THSD4: variants seen among roughly 807,000 people sequenced by gnomAD.
The protein encoded by THSD4 is thrombospondin type 1 domain containing 4, also known as thrombospondin type-1 domain-containing protein 4.
In THSD4, 69 loss-of-function variants were observed where a neutral mutation model predicts 119.0. That is an observed-to-expected ratio of 0.58 (90% CI 0.48 to 0.71). The LOEUF (loss-of-function observed/expected upper bound fraction) is 0.71. Among genes scored for constraint, THSD4 ranks in the 30% least tolerant of loss-of-function variants. The pLI is 0.00. For missense variants in THSD4, 1,393 were observed against 1,391.1 expected (o/e 1.00, Z -0.02); for synonymous variants, 524 against 540.4 (o/e 0.97, Z 0.42).
At chr15:71,312,871 T>C (rs1446749987) in intron 6 of THSD4, among the ~76,000 whole-genome samples, 2 of 152,130 alleles carry the variant, frequency 1.3e-5, no homozygotes, top group Admixed American at 1.3e-4. Flanking sequence ...TGTCCCTCCC[T>C]GCAAGAGACC....
intron 6 of THSD4, among the ~76,000 whole-genome samples, chr15:71,289,885 C>CA (rs1292267471): frequency 6.6e-6 from 1 of 152,032 alleles, no homozygotes; most frequent in Non-Finnish European, 1.5e-5. Flanking sequence ...TTCCTTCTGA[C>CA]AAGGGAGAAG....
At chr15:71,426,041 T>C (rs1437882756) in intron 7 of THSD4, among the ~76,000 whole-genome samples, 2 of 152,152 alleles carry the variant, frequency 1.3e-5, no homozygotes, top group Non-Finnish European at 2.9e-5. Context: ...CATGGTGCCT[T>C]CTGGTGAAGG....
chr15:71,759,700 G>A (rs2053599358), intron 15 of THSD4, among the ~76,000 whole-genome samples: 1 of 152,188 alleles, frequency 6.6e-6, no homozygotes, highest in South Asian at 2.1e-4. Flanking sequence ...CACACGTGAA[G>A]ATAAGCAGTA....
chr15:71,585,329 A>AT (rs1394620213), intron 7 of THSD4, among the ~76,000 whole-genome samples: 2 of 152,180 alleles, frequency 1.3e-5, no homozygotes, highest in Non-Finnish European at 2.9e-5. Context: ...CTGAAGGACA[A>AT]TTTTAGCAGA....
At chr15:71,612,886 C>G (rs2050254743) in intron 7 of THSD4, among the ~76,000 whole-genome samples, 1 of 152,284 alleles carries the variant, frequency 6.6e-6, no homozygotes, top group Admixed American at 6.5e-5. Context: ...CTATTGCCAT[C>G]AGTAGGAAGA....
In THSD4 at chr15:71,172,692, T is replaced by C. The variant is rs1250743478; in HGVS notation, c.99+17760T>C. The stretch of plus-strand genomic sequence containing the variant: ...GAAAATAGACCTATACATATATATA[T>C]ATATATATATATATATATATATATA... On this transcript the variant is annotated intron_variant, in intron 3 of 17. Coordinates refer to ENST00000261862, the MANE Select transcript of THSD4 (RefSeq NM_024817.3). Among the ~76,000 whole-genome samples, 70 of 68,196 alleles carry C rather than the reference T, an allele frequency of 1.0e-3. 4 individuals are homozygous for C. In the East Asian group the frequency reaches 0.019, roughly 19 times the overall value. 44.7% of individuals were successfully genotyped at this position (68,196 alleles called of 152,430 possible).
chr15:71,438,233 TCTTAA>T (rs2047042074), intron 7 of THSD4, among the ~76,000 whole-genome samples: 1 of 152,242 alleles, frequency 6.6e-6, no homozygotes, highest in Non-Finnish European at 1.5e-5. Flanking sequence ...CTGATCTTTT[TCTTAA>T]CTTGTAGGAG....
At chr15:71,627,003 G>A (rs546201597) in intron 7 of THSD4, among the ~76,000 whole-genome samples, 5 of 152,248 alleles carry the variant, frequency 3.3e-5, no homozygotes, top group Non-Finnish European at 7.4e-5. Flanking sequence ...GACATAGGAA[G>A]ATTCTCTGTT....
At chr15:71,164,426 C>T (rs1293180024) in intron 3 of THSD4, among the ~76,000 whole-genome samples, 6 of 145,162 alleles carry the variant, frequency 4.1e-5, no homozygotes, top group Admixed American at 6.8e-5. Flanking sequence ...ACAATTATTT[C>T]GTATAAGCTG....
intron 6 of THSD4, among the ~76,000 whole-genome samples, chr15:71,278,394 C>T (rs866490205): frequency 6.6e-6 from 1 of 152,106 alleles, no homozygotes; most frequent in Non-Finnish European, 1.5e-5. Context: ...CCATGTTGCC[C>T]AGCTGGTCTT....
chr15:71,634,950 GT>G (rs1457840050), intron 7 of THSD4, among the ~76,000 whole-genome samples: 13 of 152,320 alleles, frequency 8.5e-5, no homozygotes, highest in Non-Finnish European at 4.4e-5. Flanking sequence ...CAGCTGGGCT[GT>G]GGTTTGCTGC....
At chr15:71,409,892 T>C (rs528957512) in intron 6 of THSD4, among the ~76,000 whole-genome samples, 2 of 152,054 alleles carry the variant, frequency 1.3e-5, no homozygotes, top group African/African-American at 4.8e-5. Context: ...AACAGTTTTT[T>C]TTTTTTTGTT....
chr15:71,156,496 A>G (rs558557548), intron 3 of THSD4, among the ~76,000 whole-genome samples: 23 of 152,072 alleles, frequency 1.5e-4, no homozygotes, highest in African/African-American at 4.8e-4. Flanking sequence ...CCTGACCTCA[A>G]TCAGGTGATC....
At chr15:71,295,262 T>C (rs1253705420) in intron 6 of THSD4, among the ~76,000 whole-genome samples, 1 of 152,122 alleles carries the variant, frequency 6.6e-6, no homozygotes, top group African/African-American at 2.4e-5. Flanking sequence ...CCCTAGGAAG[T>C]GAAGTGACTG....
Position 71,242,732 on chromosome 15 carries a change from C to T in THSD4, c.548C>T (p.Ala183Val), listed in dbSNP as rs1389129595. The T allele has an allele frequency of 3.7e-6, 6 of 1,614,180 alleles. No individual in the cohort carries two copies. The East Asian group carries it at 8.9e-5, about 24-fold the overall frequency. ...ATCTTACCACTGCAGACAGACACTG[C>T]ACACACGCCACAGAGGCTCCGGAGA... ...PYILPLQTDT[A>V]HTPQRLRRQK... Residue 183 changes from alanine to valine, a missense_variant, in exon 5 of 18, where the codon GCA becomes GTA. Transcript: ENST00000261862.
intron 7 of THSD4, among the ~76,000 whole-genome samples, chr15:71,643,966 A>C (rs2050917298): frequency 6.6e-6 from 1 of 152,228 alleles, no homozygotes; most frequent in South Asian, 2.1e-4. Context: ...ACTGTGGTTG[A>C]GTATATATGA....
chr15:71,338,883 GT>G (rs1000118784), intron 6 of THSD4, among the ~76,000 whole-genome samples: 1 of 152,140 alleles, frequency 6.6e-6, no homozygotes, highest in Admixed American at 6.5e-5. Context: ...TCTGGCCATT[GT>G]CTGGAAACCA....
At chr15:71,236,588 A>G (rs1316284465) in intron 4 of THSD4, among the ~76,000 whole-genome samples, 1 of 152,242 alleles carries the variant, frequency 6.6e-6, no homozygotes, top group Non-Finnish European at 1.5e-5. Flanking sequence ...AACAGGCACA[A>G]TAATGATGAG....
intron 4 of THSD4, among the ~76,000 whole-genome samples, chr15:71,228,994 A>G (rs892313581): frequency 2.0e-5 from 3 of 152,060 alleles, no homozygotes; most frequent in African/African-American, 7.2e-5. Flanking sequence ...ATTTGGGGGG[A>G]AACAATAATT....
Sources: gnomAD v4.1 joint callset for allele counts (sites outside exome capture counted in the v4.1 genomes callset) on GRCh38, gnomAD v4.1.1 for gene constraint, MANE v1.5 for transcripts, NCBI Gene and HGNC (gene_info 2026-07-23, HGNC 2026-07-21) for gene names.